EPHA6: variants seen among roughly 807,000 people sequenced by gnomAD.
EPHA6 encodes ephrin type-A receptor 6.
In EPHA6, 50 loss-of-function variants were observed where a neutral mutation model predicts 112.0. The ratio of observed to expected loss-of-function variants is 0.45; its 90% CI spans 0.36 to 0.56. The LOEUF is 0.56. Ranked by LOEUF, EPHA6 falls within the 20% of genes least tolerant of loss-of-function variation. The pLI is 0.00. For missense variants in EPHA6, 1,280 were observed against 1,417.4 expected (o/e 0.90, Z 1.56); for synonymous variants, 529 against 490.7 (o/e 1.08, Z -1.03).
intron 5 of EPHA6, among the ~76,000 whole-genome samples, chr3:97,290,542 G>C (rs1243979695): frequency 3.3e-5 from 5 of 152,124 alleles, no homozygotes; most frequent in Non-Finnish European, 7.4e-5. Context: ...TGAAACCCAT[G>C]TGGGGAGACT....
rs763625321 is a variant in EPHA6, at chr3:97,693,879, C to T, written c.2785-26382C>T. Among the ~76,000 whole-genome samples, 3 of 152,210 alleles carry T rather than the reference C, an allele frequency of 2.0e-5. No individual in the cohort carries two copies. The South Asian group carries it at 6.2e-4, about 32-fold the overall frequency. ...TCAGTAAGCACTCAATAAATGTTAGCTATTATTATAATCATCATCATCATC... is the reference window on the plus strand; with the variant it reads ...TCAGTAAGCACTCAATAAATGTTAGTTATTATTATAATCATCATCATCATC... On this transcript the variant is annotated intron_variant, in intron 14 of 17. Transcript: ENST00000389672.
intron 5 of EPHA6, among the ~76,000 whole-genome samples, chr3:97,386,209 T>G (rs2086058598): frequency 6.6e-6 from 1 of 152,090 alleles, no homozygotes; most frequent in Non-Finnish European, 1.5e-5. Flanking sequence ...TTTCCAGAAC[T>G]GTGAGCTGAT....
chr3:97,254,573 C>T (rs9860939), intron 5 of EPHA6, among the ~76,000 whole-genome samples: 3,066 of 152,260 alleles, frequency 0.02, 93 homozygotes, highest in African/African-American at 0.068. Flanking sequence ...ATTGTATTAA[C>T]CAAATTCCTA....
chr3:97,047,398 G>A (rs968885026), intron 3 of EPHA6, among the ~76,000 whole-genome samples: 2 of 151,078 alleles, frequency 1.3e-5, no homozygotes. Context: ...TACTAGGGAG[G>A]CTGAGGCAGG....
chr3:97,716,153 G>T (rs1293509516), intron 14 of EPHA6, among the ~76,000 whole-genome samples: 1 of 152,112 alleles, frequency 6.6e-6, no homozygotes, highest in Non-Finnish European at 1.5e-5. Context: ...GGTGGTTAAT[G>T]CTTTAAGAAA....
chr3:97,731,043 G>T (rs1351038905), intron 15 of EPHA6, among the ~76,000 whole-genome samples: 1 of 152,066 alleles, frequency 6.6e-6, no homozygotes, highest in Non-Finnish European at 1.5e-5. Flanking sequence ...ATTGTATCGT[G>T]GGGGATGATT....
intron 2 of EPHA6, among the ~76,000 whole-genome samples, chr3:96,905,592 T>TGC (rs2038889690): frequency 6.6e-6 from 1 of 152,070 alleles, no homozygotes; most frequent in Non-Finnish European, 1.5e-5. Context: ...AGCACTGGAT[T>TGC]CTAGAATAGT....
intron 10 of EPHA6, among the ~76,000 whole-genome samples, chr3:97,524,372 T>A (rs1445684187): frequency 6.6e-6 from 1 of 152,078 alleles, no homozygotes; most frequent in Non-Finnish European, 1.5e-5. Context: ...ATGCTTATAT[T>A]TCTCCTCCCT....
chr3:97,176,517 G>T (rs143458255), intron 3 of EPHA6, among the ~76,000 whole-genome samples: 3 of 151,790 alleles, frequency 2.0e-5, no homozygotes, highest in Non-Finnish European at 4.4e-5. Context: ...TGGACTCGTT[G>T]GGTCCCAGGC....
chr3:96,916,467 A>G (rs1164711547), intron 2 of EPHA6, among the ~76,000 whole-genome samples: 2 of 152,144 alleles, frequency 1.3e-5, no homozygotes, highest in African/African-American at 4.8e-5. Context: ...ACATCTGGGG[A>G]AAAATACATG....
chr3:97,370,807 AATT>A (rs1278466201), intron 5 of EPHA6, among the ~76,000 whole-genome samples: 1 of 152,164 alleles, frequency 6.6e-6, no homozygotes, highest in Admixed American at 6.6e-5. Flanking sequence ...ATAGGGCTGC[AATT>A]ATTATAATCA....
chr3:97,546,583 C>G (rs2092953193), intron 11 of EPHA6, among the ~76,000 whole-genome samples: 1 of 152,144 alleles, frequency 6.6e-6, no homozygotes, highest in African/African-American at 2.4e-5. Context: ...GTGGAGTTCT[C>G]TGTATTTCCT....
intron 11 of EPHA6, among the ~76,000 whole-genome samples, chr3:97,555,951 C>T (rs1016908685): frequency 6.6e-6 from 1 of 151,900 alleles, no homozygotes; most frequent in African/African-American, 2.4e-5. Context: ...GTGTGCCTTT[C>T]ATATGCAAAC....
chr3:96,822,418 C>G (rs867279105), intron 1 of EPHA6, among the ~76,000 whole-genome samples: 1 of 151,758 alleles, frequency 6.6e-6, no homozygotes, highest in South Asian at 2.1e-4. Context: ...ATATATTGAG[C>G]TAGTTTCCCG....
chr3:97,187,898 C>T (rs1360099236), intron 3 of EPHA6, among the ~76,000 whole-genome samples: 3 of 151,980 alleles, frequency 2.0e-5, no homozygotes, highest in Non-Finnish European at 4.4e-5. Context: ...ATTATATAAT[C>T]TTTTACACTC....
chr3:97,358,846 C>T (rs1332736278), intron 5 of EPHA6, among the ~76,000 whole-genome samples: 1 of 152,036 alleles, frequency 6.6e-6, no homozygotes, highest in Non-Finnish European at 1.5e-5. Context: ...TGGATGACAG[C>T]TTGTTTTAGG....
intron 3 of EPHA6, among the ~76,000 whole-genome samples, chr3:97,111,741 G>A (rs899995750): frequency 2.0e-5 from 3 of 151,678 alleles, no homozygotes; most frequent in Admixed American, 1.3e-4. Context: ...TCTTAATAAA[G>A]CTTTGTGATA....
At chr3:97,009,886 T>C in intron 3 of EPHA6, 1 of 430,754 alleles carries the variant, frequency 2.3e-6, no homozygotes, top group Non-Finnish European at 4.6e-6. Context: ...ACCACTCTGC[T>C]CTTCCTTCTC....
rs2036074443 is a variant in EPHA6 at position 97,758,319 on chromosome 3, G to T, written c.*9618G>T. Among the ~76,000 whole-genome samples, 1 of 151,856 alleles carries T rather than the reference G, an allele frequency of 6.6e-6. No individual in the cohort carries two copies. The highest frequency in any genetic ancestry group is 6.6e-5 in the Admixed American group (1 of 15,244). On this transcript the variant is annotated 3_prime_UTR_variant, in exon 18 of 18. Coordinates refer to ENST00000389672, the MANE Select transcript of EPHA6 (RefSeq NM_001080448.3). ...ATAACAATCAAAAATATCAGTCAAA[G>T]CTTAGTGTTTACCTCTTTAAACTAT...
Sources: allele counts gnomAD v4.1 joint callset (sites outside exome capture counted in the v4.1 genomes callset), GRCh38; gene constraint gnomAD v4.1.1; transcripts MANE v1.5; gene names NCBI Gene and HGNC (gene_info 2026-07-23, HGNC 2026-07-21).